The following TBATA variants were observed in gnomAD, a reference collection of about 807,000 sequenced individuals.
The protein encoded by TBATA is protein TBATA.
Under a neutral mutation model 38.7 loss-of-function variants are expected in TBATA, and 47 were observed. That is an observed-to-expected ratio of 1.21 (90% CI 0.96 to 1.55). TBATA has a LOEUF of 1.55. TBATA is among the 40% of genes most tolerant of loss of function. TBATA has a pLI of 0.00. For synonymous variants in TBATA, 183 were observed against 170.5 expected (o/e 1.07, Z -0.57); for missense variants, 436 against 435.6 (o/e 1.00, Z -0.01).
intron 7 of TBATA, among the ~76,000 whole-genome samples, chr10:70,776,669 G>A (rs1408543571): frequency 6.6e-6 from 1 of 152,166 alleles, no homozygotes; most frequent in Non-Finnish European, 1.5e-5. Context: ...TTCACCCACC[G>A]GGATGAGGCA....
intron 9 of TBATA, among the ~76,000 whole-genome samples, chr10:70,773,918 A>T (rs184170081): frequency 6.6e-6 from 1 of 152,204 alleles, no homozygotes; most frequent in African/African-American, 2.4e-5. Flanking sequence ...TAGACCAAAG[A>T]GCTTCTGAAG....
chr10:70,774,620 C>T lies in TBATA; in HGVS notation c.776-263G>A, dbSNP rs913775348. 1.2e-4 allele frequency among the ~76,000 whole-genome samples: 19 copies of T among 152,260 alleles called. No individual in the cohort carries two copies. In the East Asian group the frequency reaches 1.7e-3, roughly 14 times the overall value. On this transcript the variant is annotated intron_variant, in intron 8 of 10. Transcript: ENST00000456372. Reference sequence around the variant, plus strand: ...CTGGCCCTCCTGCCCACCATATCCCCGGGCCCACGCTGGGAAGTCTACTGG... The same window carrying T: ...CTGGCCCTCCTGCCCACCATATCCCTGGGCCCACGCTGGGAAGTCTACTGG...
At chr10:70,782,285 C>T (rs1302106986) in intron 3 of TBATA, 2 of 1,493,466 alleles carry the variant, frequency 1.3e-6, no homozygotes, top group Non-Finnish European at 1.8e-6. Flanking sequence ...GGAACTCAGA[C>T]TCTCCCAGCA....
chr10:70,783,792 T>C (rs1844555957), intron 2 of TBATA, among the ~76,000 whole-genome samples: 1 of 152,238 alleles, frequency 6.6e-6, no homozygotes. Flanking sequence ...CACAGCTACA[T>C]GTAACAACAT....
At chr10:70,784,613 C>T (rs1844654150) in intron 2 of TBATA, 34 bp downstream of exon 2, 1 of 152,082 alleles carries the variant, frequency 6.6e-6, no homozygotes. Context: ...TGAGGTCACA[C>T]AGAAGGAACC....
intron 8 of TBATA, 36 bp from the exon 9 acceptor site, chr10:70,774,393 C>T (rs1034229918): frequency 3.2e-6 from 5 of 1,548,830 alleles, no homozygotes; most frequent in Non-Finnish European, 4.4e-6. Flanking sequence ...TCCTCAGCCC[C>T]CAGCCCCCTT....
At chr10:70,782,180 G>T in intron 3 of TBATA, 144 bp from the exon 4 acceptor site, 2 of 1,240,214 alleles carry the variant, frequency 1.6e-6, no homozygotes, top group Non-Finnish European at 2.2e-6. Flanking sequence ...CACCCCCATA[G>T]CACCAAAAGC....
chr10:70,777,361 C>A, intron 6 of TBATA, 23 bp from the exon 7 acceptor site: 1 of 1,605,412 alleles, frequency 6.2e-7, no homozygotes, highest in Non-Finnish European at 8.5e-7. Context: ...TGGCCAGAGA[C>A]TCCAGGCAGT....
rs1223591971 is a variant in TBATA, at chr10:70,778,886, C to T, written c.428-250G>A. The T allele has an allele frequency of 1.7e-5, 10 of 579,838 alleles. No individual in the cohort carries two copies. In the East Asian group the frequency reaches 3.0e-4, roughly 17 times the overall value. 35.9% of individuals were successfully genotyped at this position (579,838 alleles called of 1,614,324 possible). ...TCTAGCAGGGGCTGATGTTGATGTCCTAGCCTGTGGCATTTCTAGGGGATG... is the reference window on the plus strand; with the variant it reads ...TCTAGCAGGGGCTGATGTTGATGTCTTAGCCTGTGGCATTTCTAGGGGATG... On this transcript the variant is annotated intron_variant, in intron 5 of 10. Transcript: ENST00000456372.
At chr10:70,777,393 G>T in intron 6 of TBATA, 55 bp from the exon 7 acceptor site, 1 of 1,540,128 alleles carries the variant, frequency 6.5e-7, no homozygotes, top group Non-Finnish European at 8.9e-7. Context: ...GAGGAAGAGG[G>T]CTGAGGGGAG....
chr10:70,773,824 T>C (rs1403159313), intron 9 of TBATA, among the ~76,000 whole-genome samples: 2 of 152,234 alleles, frequency 1.3e-5, no homozygotes, highest in Admixed American at 6.5e-5. Flanking sequence ...TAATTAATCT[T>C]TCTCTTCCAG....
rs1395374791 is a variant in TBATA at position 70,781,835 on chromosome 10, G to A, written c.243C>T (p.His81=). 2 of 1,613,980 alleles carry A rather than the reference G, an allele frequency of 1.2e-6. No homozygotes were observed. Among genetic ancestry groups the A allele is most frequent in the African/African-American group, 1.3e-5 (1 of 74,936 alleles). ...RLSHHSFFSR[H]HPHPQHVTHI... ...GGGTCACGTGCTGGGGGTGTGGGTG[G>A]TGCCGGGAGAAGAAGGAGTGGTGAC... Residue 81 remains histidine (H), a synonymous_variant, in exon 4 of 11, where the codon CAC becomes CAT. Coordinates refer to ENST00000456372, the MANE Select transcript of TBATA (RefSeq NM_001318241.2).
chr10:70,780,328 C>T (rs773655215), intron 4 of TBATA, among the ~76,000 whole-genome samples: 12 of 152,080 alleles, frequency 7.9e-5, no homozygotes, highest in Non-Finnish European at 1.0e-4. Flanking sequence ...GACAGTGAGG[C>T]TTGAAGATCG....
chr10:70,783,863 T>A (rs1844565368), intron 2 of TBATA, among the ~76,000 whole-genome samples: 1 of 152,246 alleles, frequency 6.6e-6, no homozygotes, highest in African/African-American at 2.4e-5. Context: ...GATGTTATAT[T>A]TATGCAATCT....
Position 70,779,575 on chromosome 10 carries a change from C to T in TBATA, c.427+18G>A, listed in dbSNP as rs771675973. 7 of 1,465,314 alleles carry T rather than the reference C, an allele frequency of 4.8e-6. No homozygotes were observed. The highest frequency in any genetic ancestry group is 6.3e-6 in the Non-Finnish European group (7 of 1,112,624). The allele number at this position is 1,465,314 out of a possible 1,614,324, so 90.8% of individuals were successfully genotyped here. A position where few individuals can be genotyped will look rare whatever the true frequency, so the allele number is the denominator to read the frequency against. The stretch of plus-strand genomic sequence containing the variant: ...GCATGAGCCCCAGGGTAGAGGGAGG[C>T]ATGGCCCAAGTACCCACCAGAAGAA... On this transcript the variant is annotated intron_variant, in intron 5 of 10. Coordinates refer to ENST00000456372, the MANE Select transcript of TBATA (RefSeq NM_001318241.2).
Position 70,785,370 on chromosome 10 carries a change from G to T in TBATA, c.-359C>A, listed in dbSNP as rs1844748037. On this transcript the variant is annotated 5_prime_UTR_variant, in exon 1 of 11. Coordinates refer to ENST00000456372, the MANE Select transcript of TBATA (RefSeq NM_001318241.2). ...AAGAGGACAAATCGAGGGGAAGGCT[G>T]TGGGTTCTGTGGGCAAGTCTGCCTG... 6.6e-6 allele frequency: 1 copy of T among 152,468 alleles called. No homozygotes were observed. Among genetic ancestry groups the T allele is most frequent in the Non-Finnish European group, 1.5e-5 (1 of 68,234 alleles). The allele number at this position is 152,468 out of a possible 1,614,324, so 9.4% of individuals were successfully genotyped here.
Position 70,774,263 on chromosome 10 carries a change from C to T in TBATA, c.870G>A (p.Gln290=), listed in dbSNP as rs566171083. Residue 290 remains glutamine, a synonymous_variant, in exon 9 of 11, where the codon CAG becomes CAA. Transcript: ENST00000456372. ...VSIPTEKLLS[Q]LPEVHEPPQE... ...GAGGAGGTTCATGCACTTCTGGAAG[C>T]TGGCTTAGGAGCTTTTCTGTAGGGA... 7.8e-5 allele frequency: 126 copies of T among 1,612,042 alleles called. No homozygotes were observed. In the South Asian group the frequency reaches 8.8e-4, roughly 11 times the overall value.
At chr10:70,777,763 T>C in intron 6 of TBATA, 1 of 441,976 alleles carries the variant, frequency 2.3e-6, no homozygotes, top group South Asian at 1.6e-5. Context: ...ACCGCCTACC[T>C]TAATTCCCAG....
chr10:70,775,345 A>G, intron 7 of TBATA, 75 bp from the exon 8 acceptor site: 1 of 1,303,544 alleles, frequency 7.7e-7, no homozygotes, highest in East Asian at 2.3e-5. Flanking sequence ...TTTGGAGGGC[A>G]CCAAGGAGAC....
Sources: gnomAD v4.1 joint callset for allele counts (sites outside exome capture counted in the v4.1 genomes callset) on GRCh38, gnomAD v4.1.1 for gene constraint, MANE v1.5 for transcripts, NCBI Gene and HGNC (gene_info 2026-07-23, HGNC 2026-07-21) for gene names.